The following PAK5 variants were observed in gnomAD, a reference collection of about 807,000 sequenced individuals.
PAK5 encodes serine/threonine-protein kinase PAK 5.
Under a neutral mutation model 65.9 loss-of-function variants are expected in PAK5, and 16 were observed. That is an observed-to-expected ratio of 0.24 (90% CI 0.16 to 0.37). The LOEUF is 0.37. Among genes scored for constraint, PAK5 ranks in the 10% least tolerant of loss-of-function variants. The pLI is 1.00. For synonymous variants in PAK5, 371 were observed against 354.9 expected, an observed-to-expected ratio of 1.05 and a Z score of -0.51; for missense variants, 785 against 903.9, an observed-to-expected ratio of 0.87 and a Z score of 1.69.
At chr20:9,798,769 G>T (rs1211673529) in intron 1 of PAK5, among the ~76,000 whole-genome samples, 3 of 152,102 alleles carry the variant, frequency 2.0e-5, no homozygotes, top group Non-Finnish European at 2.9e-5. Flanking sequence ...AATCATGAGT[G>T]GCTGGGTTCA....
chr20:9,646,214 G>C (rs1247335583), intron 2 of PAK5, among the ~76,000 whole-genome samples: 1 of 152,142 alleles, frequency 6.6e-6, no homozygotes, highest in Non-Finnish European at 1.5e-5. Context: ...ACTTGTCCCT[G>C]TGTGGTAAGC....
At chr20:9,552,232 A>G (rs528414032) in intron 7 of PAK5, among the ~76,000 whole-genome samples, 1 of 152,302 alleles carries the variant, frequency 6.6e-6, no homozygotes, top group East Asian at 1.9e-4. Flanking sequence ...TTTTCCATAA[A>G]CTTATTGGAC....
chr20:9,601,611 C>T (rs1160959298), intron 3 of PAK5, among the ~76,000 whole-genome samples: 2 of 152,168 alleles, frequency 1.3e-5, no homozygotes, highest in Non-Finnish European at 2.9e-5. Context: ...TGATATATCT[C>T]ACCGTCTGCA....
At chr20:9,639,472 G>T (rs887698848) in intron 3 of PAK5, among the ~76,000 whole-genome samples, 6 of 151,938 alleles carry the variant, frequency 3.9e-5, no homozygotes. Flanking sequence ...ACTCTTTATG[G>T]GTGAGATCCA....
Position 9,760,577 on chromosome 20 carries a change from GAA to G in PAK5, c.-161-49144_-161-49143del, listed in dbSNP as rs5840330. Among the ~76,000 whole-genome samples the G allele has an allele frequency of 3.9e-3, 473 of 119,978 alleles. 11 individuals carry two copies. The East Asian group carries it at 0.067, about 17-fold the overall frequency. 78.7% of individuals were successfully genotyped at this position (119,978 alleles called of 152,430 possible). A position where few individuals can be genotyped will look rare whatever the true frequency, so the allele number is the denominator to read the frequency against. ...AGAATTTCAAGTTTTTGATGGTTGAGAAAAAAAAAAAAAAATGTATATTTGAG... is the reference window on the plus strand; with the variant it reads ...AGAATTTCAAGTTTTTGATGGTTGAGAAAAAAAAAAAAATGTATATTTGAG... On this transcript the variant is annotated intron_variant, in intron 1 of 9. Coordinates refer to ENST00000353224, the MANE Select transcript of PAK5 (RefSeq NM_177990.4).
intron 2 of PAK5, among the ~76,000 whole-genome samples, chr20:9,651,859 T>G (rs1600199073): frequency 6.6e-6 from 1 of 152,126 alleles, no homozygotes; most frequent in East Asian, 1.9e-4. Context: ...ACATTTGGGA[T>G]TAAGAAAGAA....
chr20:9,649,898 CTG>C (rs1443475916), intron 2 of PAK5, among the ~76,000 whole-genome samples: 2 of 152,096 alleles, frequency 1.3e-5, no homozygotes, highest in Non-Finnish European at 2.9e-5. Flanking sequence ...GATAAGGAAA[CTG>C]AGGCCTACAG....
At chr20:9,834,869 T>A (rs1281190013) in intron 1 of PAK5, among the ~76,000 whole-genome samples, 3 of 152,190 alleles carry the variant, frequency 2.0e-5, no homozygotes, top group African/African-American at 7.2e-5. Flanking sequence ...CTCACCATTG[T>A]CTTCCAAGGG....
intron 1 of PAK5, among the ~76,000 whole-genome samples, chr20:9,772,448 T>C (rs1456462659): frequency 9.0e-6 from 1 of 111,602 alleles, no homozygotes; most frequent in Admixed American, 9.3e-5. Flanking sequence ...ATATCCCCGC[T>C]AGGGGATGTA....
chr20:9,596,326 T>C (rs1379549956), intron 3 of PAK5, among the ~76,000 whole-genome samples: 1 of 152,126 alleles, frequency 6.6e-6, no homozygotes, highest in African/African-American at 2.4e-5. Flanking sequence ...GCTGCCAATG[T>C]CTTCAGCATC....
chr20:9,814,245 C>A (rs1393671411), intron 1 of PAK5, among the ~76,000 whole-genome samples: 2 of 152,030 alleles, frequency 1.3e-5, no homozygotes, highest in Non-Finnish European at 2.9e-5. Context: ...CAAAGTGAGG[C>A]CGTTGAAAGA....
At chr20:9,810,134 G>T (rs1005429211) in intron 1 of PAK5, among the ~76,000 whole-genome samples, 3 of 152,100 alleles carry the variant, frequency 2.0e-5, no homozygotes, top group Admixed American at 6.6e-5. Context: ...AACCTCCTCT[G>T]CTCCTGGAGG....
At chr20:9,655,586 T>C (rs2047256876) in intron 2 of PAK5, among the ~76,000 whole-genome samples, 1 of 152,216 alleles carries the variant, frequency 6.6e-6, no homozygotes, top group South Asian at 2.1e-4. Context: ...TTGATTAACA[T>C]TTACGTTCTG....
chr20:9,675,874 T>C (rs1331643565), intron 2 of PAK5, among the ~76,000 whole-genome samples: 1 of 150,394 alleles, frequency 6.6e-6, no homozygotes, highest in Non-Finnish European at 1.5e-5. Context: ...CAACTTGTTA[T>C]GAGCAATGTT....
chr20:9,573,430 C>T (rs182540152), intron 4 of PAK5, among the ~76,000 whole-genome samples: 151 of 152,180 alleles, frequency 9.9e-4, no homozygotes, highest in Non-Finnish European at 1.6e-3. Context: ...CTGGGGTGGA[C>T]GGGGCATAAA....
chr20:9,767,109 C>T (rs2048777570), intron 1 of PAK5, among the ~76,000 whole-genome samples: 1 of 152,076 alleles, frequency 6.6e-6, no homozygotes, highest in South Asian at 2.1e-4. Context: ...ACCACTGCAC[C>T]AATCTTGGGA....
At chr20:9,669,623 C>A (rs2047466600) in intron 2 of PAK5, among the ~76,000 whole-genome samples, 1 of 152,102 alleles carries the variant, frequency 6.6e-6, no homozygotes. Context: ...CTGAGAGCAT[C>A]TCTGCCTTGG....
chr20:9,825,609 T>TA (rs1383685247), intron 1 of PAK5, among the ~76,000 whole-genome samples: 1 of 152,186 alleles, frequency 6.6e-6, no homozygotes, highest in South Asian at 2.1e-4. Flanking sequence ...ACAGAAATTT[T>TA]AAAAAAATTG....
intron 1 of PAK5, among the ~76,000 whole-genome samples, chr20:9,794,246 T>C (rs1241726801): frequency 6.6e-6 from 1 of 151,954 alleles, no homozygotes; most frequent in Non-Finnish European, 1.5e-5. Flanking sequence ...AAAACCTAGA[T>C]GACAGGTTGA....
Sources: gnomAD v4.1 joint callset for allele counts (sites outside exome capture counted in the v4.1 genomes callset) on GRCh38, gnomAD v4.1.1 for gene constraint, MANE v1.5 for transcripts, NCBI Gene and HGNC (gene_info 2026-07-23, HGNC 2026-07-21) for gene names.